Variants in DACH2 observed in about 807,000 individuals in gnomAD.
DACH2 encodes the protein dachshund homolog 2.
In DACH2, 17 loss-of-function variants were observed where a neutral mutation model predicts 35.8. The ratio of observed to expected loss-of-function variants is 0.48; its 90% CI spans 0.33 to 0.71. The LOEUF is 0.71. DACH2 is among the 30% of genes least tolerant of loss of function. The pLI is 0.02. For missense variants in DACH2, 469 were observed against 472.7 expected (o/e 0.99, Z 0.07); for synonymous variants, 195 against 177.3 (o/e 1.10, Z -0.79).
chrX:86,429,535 ATTTCT>A (rs144228984), intron 2 of DACH2, among the ~76,000 whole-genome samples: 1,956 of 101,483 alleles, frequency 0.019, 49 homozygotes, highest in African/African-American at 0.059. Context: ...TCTAGAGTGC[ATTTCT>A]TTTCTTTTCT....
At chrX:86,150,427 G>C (rs747532462) in intron 1 of DACH2, among the ~76,000 whole-genome samples, 7 of 112,634 alleles carry the variant, frequency 6.2e-5, no homozygotes, top group Admixed American at 9.4e-5. Flanking sequence ...ATGTATAGTT[G>C]AATGATACTG....
At chrX:86,583,870 T>A (rs1351478200) in intron 3 of DACH2, among the ~76,000 whole-genome samples, 2 of 110,288 alleles carry the variant, frequency 1.8e-5, no homozygotes, top group Non-Finnish European at 3.8e-5. Context: ...TGAGAGAGAT[T>A]CATATGGAGT....
At chrX:86,200,560 A>G (rs1256206632) in intron 1 of DACH2, among the ~76,000 whole-genome samples, 2 of 108,332 alleles carry the variant, frequency 1.8e-5, no homozygotes, top group African/African-American at 6.7e-5. Context: ...AGGGTCTACA[A>G]GGAACTTTAC....
intron 2 of DACH2, among the ~76,000 whole-genome samples, chrX:86,446,306 T>A (rs1419242063): frequency 2.5e-5 from 2 of 79,197 alleles, no homozygotes; most frequent in East Asian, 5.0e-4. Context: ...TTTTTTTTTT[T>A]ATTATACTCT....
intron 1 of DACH2, among the ~76,000 whole-genome samples, chrX:86,315,830 C>CAGAG (rs1295660848): frequency 3.2e-4 from 29 of 90,881 alleles, no homozygotes; most frequent in African/African-American, 9.2e-4. Context: ...CACACACACA[C>CAGAG]ACACACACAC....
chrX:86,629,691 T>C (rs749224110), intron 3 of DACH2, among the ~76,000 whole-genome samples: 17 of 108,349 alleles, frequency 1.6e-4, no homozygotes, highest in African/African-American at 5.7e-4. Flanking sequence ...AAGACCAGCC[T>C]GAGCAATATG....
intron 5 of DACH2, among the ~76,000 whole-genome samples, chrX:86,704,942 G>T (rs913076044): frequency 2.9e-5 from 3 of 104,966 alleles, no homozygotes; most frequent in African/African-American, 3.7e-5. Flanking sequence ...AAAGATAAAT[G>T]CACATTTATA....
chrX:86,729,015 C>T (rs1008427235), intron 6 of DACH2, among the ~76,000 whole-genome samples: 8 of 112,105 alleles, frequency 7.1e-5, no homozygotes, highest in South Asian at 3.7e-4. Context: ...AAAGGGGCTA[C>T]GGGCTCTGAG....
At chrX:86,678,115 T>C (rs750807606) in intron 4 of DACH2, among the ~76,000 whole-genome samples, 17 of 111,839 alleles carry the variant, frequency 1.5e-4, no homozygotes, top group Non-Finnish European at 7.5e-5. Context: ...ATGGTAAAAA[T>C]GCAACCCAGA....
chrX:86,343,434 C>A (rs2035445667), intron 1 of DACH2, among the ~76,000 whole-genome samples: 1 of 111,548 alleles, frequency 9.0e-6, no homozygotes, highest in Non-Finnish European at 1.9e-5. Flanking sequence ...ACATCAATAC[C>A]AATTTGCATC....
chrX:86,237,528 A>T (rs1220658492), intron 1 of DACH2, among the ~76,000 whole-genome samples: 1 of 110,995 alleles, frequency 9.0e-6, no homozygotes, highest in Non-Finnish European at 1.9e-5. Flanking sequence ...GTGCTTTGTC[A>T]TCCAGAAACC....
chrX:86,738,367 G>T (rs1018162516), intron 6 of DACH2, among the ~76,000 whole-genome samples: 2 of 111,523 alleles, frequency 1.8e-5, no homozygotes, highest in African/African-American at 3.3e-5. Flanking sequence ...TTTTAGGGGG[G>T]TTATTTGGGC....
chrX:86,328,638 C>G (rs937948733), intron 1 of DACH2, among the ~76,000 whole-genome samples: 2 of 111,626 alleles, frequency 1.8e-5, no homozygotes, highest in African/African-American at 6.5e-5. Flanking sequence ...AGACCTGGGA[C>G]TTCGTTTCAG....
intron 2 of DACH2, among the ~76,000 whole-genome samples, chrX:86,505,489 T>A (rs1485035512): frequency 8.9e-6 from 1 of 111,926 alleles, no homozygotes; most frequent in East Asian, 2.8e-4. Flanking sequence ...TTTGTTTCCA[T>A]GAATTTGACT....
Position 86,778,799 on chromosome X carries a change from C to T in DACH2, c.1241-34057C>T, listed in dbSNP as rs192503721. 3.6e-5 allele frequency among the ~76,000 whole-genome samples: 4 copies of T among 110,789 alleles called. No homozygotes were observed. In the East Asian group the frequency reaches 8.7e-4, roughly 24 times the overall value. On this transcript the variant is annotated intron_variant, in intron 7 of 11. Transcript: ENST00000373125. Reference sequence around the variant, plus strand: ...CTAATTTTTGTTTTTTTAGTAGAGACGGGGTTTCACCATCTTGGCCAGGCT... The same window carrying T: ...CTAATTTTTGTTTTTTTAGTAGAGATGGGGTTTCACCATCTTGGCCAGGCT...
chrX:86,150,066 C>T (rs1254772668), intron 1 of DACH2, among the ~76,000 whole-genome samples: 2 of 111,755 alleles, frequency 1.8e-5, no homozygotes, highest in Non-Finnish European at 3.8e-5. Flanking sequence ...AATAAATGTC[C>T]ATTTGTATAT....
intron 2 of DACH2, among the ~76,000 whole-genome samples, chrX:86,418,516 C>T (rs972161294): frequency 8.9e-6 from 1 of 112,110 alleles, no homozygotes; most frequent in African/African-American, 3.2e-5. Flanking sequence ...AGGCTTGAGG[C>T]TTGCACCCTC....
At chrX:86,405,718 A>T (rs910399970) in intron 2 of DACH2, among the ~76,000 whole-genome samples, 4 of 111,438 alleles carry the variant, frequency 3.6e-5, no homozygotes, top group African/African-American at 1.3e-4. Flanking sequence ...GTATCTTTAC[A>T]TTGGCACCCC....
At chrX:86,787,278 T>G (rs944801884) in intron 7 of DACH2, among the ~76,000 whole-genome samples, 4 of 111,778 alleles carry the variant, frequency 3.6e-5, no homozygotes, top group African/African-American at 9.7e-5. Flanking sequence ...GTGCTGACAC[T>G]TTTGAGTGAA....
Sources: allele counts gnomAD v4.1 joint callset (sites outside exome capture counted in the v4.1 genomes callset), GRCh38; gene constraint gnomAD v4.1.1; transcripts MANE v1.5; gene names NCBI Gene and HGNC (gene_info 2026-07-23, HGNC 2026-07-21).